Variants in SUPT7L observed in about 807,000 individuals in gnomAD.
The protein encoded by SUPT7L is SPT7 like, STAGA complex subunit gamma.
A neutral mutation model predicts 35.7 loss-of-function variants in SUPT7L; 15 were observed. The observed-to-expected ratio is 0.42, with a 90% CI of 0.28 to 0.65. The LOEUF (loss-of-function observed/expected upper bound fraction) is 0.65. Ranked by LOEUF, SUPT7L falls within the 30% of genes least tolerant of loss-of-function variation. SUPT7L has a pLI of 0.23. For synonymous variants in SUPT7L, 168 were observed against 186.2 expected (o/e 0.90, Z 0.79); for missense variants, 434 against 522.2 (o/e 0.83, Z 1.65).
chr2:27,645,701 T>A, the SUPT7L span, among the ~76,000 whole-genome samples: 4 of 151,422 alleles, frequency 2.6e-5, no homozygotes, highest in East Asian at 7.7e-4. Flanking sequence ...GCCTGTTTCT[T>A]TTTAATTTTT....
chr2:27,655,301 A>C, intron 5 of SUPT7L, 64 bp downstream of exon 5: 1 of 1,461,090 alleles, frequency 6.8e-7, no homozygotes, highest in Non-Finnish European at 9.2e-7. Flanking sequence ...TGATTCCAAA[A>C]AGCAAAAAGT....
chr2:27,661,007 A>G lies in SUPT7L; in HGVS notation c.396T>C (p.Ser132=). Residue 132 remains serine (S), a synonymous_variant, in exon 3 of 6, where the codon AGT becomes AGC. Transcript: ENST00000337768. ...NPNAPFQIRH[S]DPESDFYRGK... is the part of the protein sequence containing the mutation. ...ACCGATAAAAGTCACTCTCTGGGTC[A>G]CTGTGCCGGATCTGGAATGGTGCAT... is the stretch of plus-strand genomic sequence containing the variant. 2.5e-6 allele frequency: 4 copies of G among 1,614,080 alleles called. No homozygotes were observed. The highest frequency in any genetic ancestry group is 3.4e-6 in the Non-Finnish European group (4 of 1,179,942).
At chr2:27,648,075 C>G, downstream of SUPT7L, 2 of 631,886 alleles carry the variant, frequency 3.2e-6, no homozygotes, top group Non-Finnish European at 5.7e-6. Context: ...AAAAGAGTTT[C>G]CTATATTGAG....
chr2:27,644,435 T>C, the SUPT7L span, among the ~76,000 whole-genome samples: 2 of 152,206 alleles, frequency 1.3e-5, no homozygotes, highest in Non-Finnish European at 1.5e-5. Flanking sequence ...CAAAAGTTCT[T>C]ATTTTGTTTT....
In SUPT7L at chr2:27,652,382, T is replaced by C. The variant is rs1262554413; in HGVS notation, c.*1103A>G. 1 of 152,394 alleles carries C rather than the reference T, an allele frequency of 6.6e-6. No individual in the cohort carries two copies. Among genetic ancestry groups the C allele is most frequent in the East Asian group, 1.9e-4 (1 of 5,344 alleles). 9.4% of individuals were successfully genotyped at this position (152,394 alleles called of 1,614,324 possible). Reference sequence around the variant, plus strand: ...GGAGTGGTCTAAATTTTACAAGATATATTTTGCATCAGAAAATCAAACTTC... The same window carrying C: ...GGAGTGGTCTAAATTTTACAAGATACATTTTGCATCAGAAAATCAAACTTC... On this transcript the variant is annotated 3_prime_UTR_variant, in exon 6 of 6. Transcript: ENST00000337768.
downstream of SUPT7L, among the ~76,000 whole-genome samples, chr2:27,646,000 G>C (rs1674208839): frequency 6.6e-6 from 1 of 151,740 alleles, no homozygotes; most frequent in Admixed American, 6.6e-5. Flanking sequence ...AAAGTACTGG[G>C]ATTACAGGTG....
chr2:27,660,234 C>A (rs1675032895), intron 3 of SUPT7L, among the ~76,000 whole-genome samples: 1 of 144,656 alleles, frequency 6.9e-6, no homozygotes, highest in Non-Finnish European at 1.5e-5. Flanking sequence ...ATTATTATTT[C>A]TTTTTTTTTT....
the SUPT7L span, among the ~76,000 whole-genome samples, chr2:27,644,995 TCTCA>T: frequency 3.9e-5 from 6 of 152,186 alleles, no homozygotes; most frequent in Admixed American, 1.3e-4. Flanking sequence ...TGAGATAGTT[TCTCA>T]CTCTGTCACC....
chr2:27,650,797 A>G (rs1241109549), downstream of SUPT7L: 2 of 152,828 alleles, frequency 1.3e-5, no homozygotes, highest in Non-Finnish European at 2.9e-5. Flanking sequence ...TGATTAATGA[A>G]TCAGAATCCT....
Position 27,657,764 on chromosome 2 carries a change from T to C in SUPT7L, c.420-95A>G. 1 of 1,198,546 alleles carries C rather than the reference T, an allele frequency of 8.3e-7. No individual in the cohort carries two copies. The allele number at this position is 1,198,546 out of a possible 1,614,324, so 74.2% of individuals were successfully genotyped here. A position where few individuals can be genotyped will look rare whatever the true frequency, so the allele number is the denominator to read the frequency against. On this transcript the variant is annotated intron_variant, in intron 3 of 5. Coordinates refer to ENST00000337768, the MANE Select transcript of SUPT7L (RefSeq NM_014860.3). The surrounding 1 kb of genome is among the most constrained non-coding windows in gnomAD (Gnocchi z 5.2). ...AGTTTTACAATTCCAGTCAAGCCAC[T>C]GGCCTAGCTTTCCAGGGAAATTCCA...
At position 27,653,452 on chromosome 2, in the gene SUPT7L, T is replaced by C; in HGVS notation, c.*33A>G. The C allele has an allele frequency of 6.2e-7, 1 of 1,601,250 alleles. No individual in the cohort carries two copies. The highest frequency in any genetic ancestry group is 8.5e-7 in the Non-Finnish European group (1 of 1,173,640). On this transcript the variant is annotated 3_prime_UTR_variant, in exon 6 of 6. Transcript: ENST00000337768. ...CAAAAACCTTTTCTGTTGGGTCTAGTAGGTCTGGACAAAACATCTCCCTCT... is the reference window on the plus strand; with the variant it reads ...CAAAAACCTTTTCTGTTGGGTCTAGCAGGTCTGGACAAAACATCTCCCTCT...
At position 27,657,536 on chromosome 2, in the gene SUPT7L, C is replaced by T; in HGVS notation, c.553G>A (p.Val185Met). 1 of 1,614,268 alleles carries T rather than the reference C, an allele frequency of 6.2e-7. No homozygotes were observed. The highest frequency in any genetic ancestry group is 8.5e-7 in the Non-Finnish European group (1 of 1,180,052). ...AACTTAAGGCAATACTCATGTGCCA[C>T]ATCAGTTAGGGTCTCCAGGACACTC... ...NESVLETLTD[V>M]AHEYCLKFTK... is the part of the protein sequence containing the mutation. Residue 185 changes from valine to methionine, a missense_variant, in exon 4 of 6, where the codon GTG becomes ATG. By Grantham distance (21) the Val-to-Met change is conservative. Coordinates refer to ENST00000337768, the MANE Select transcript of SUPT7L (RefSeq NM_014860.3). The surrounding 1 kb of genome is among the most constrained non-coding windows in gnomAD (Gnocchi z 5.2).
chr2:27,661,211 G>C lies in SUPT7L; in HGVS notation c.192C>G (p.Ile64Met). Residue 64 changes from isoleucine (I) to methionine (M), a missense_variant, in exon 3 of 6, where the codon ATC becomes ATG. By Grantham distance (10) the Ile-to-Met change is conservative. This residue lies in a region of SUPT7L where 77 missense variants were observed against 114.4 expected (regional missense o/e 0.67). Coordinates refer to ENST00000337768, the MANE Select transcript of SUPT7L (RefSeq NM_014860.3). ...DIPSEPCSLT[I>M]HTIQLIQHNR... is the part of the protein sequence containing the mutation. ...TGTGCTGAATCAACTGAATCGTATG[G>C]ATGGTGAGACTACATGGCTCTGAGG... 1 of 1,614,080 alleles carries C rather than the reference G, an allele frequency of 6.2e-7. No individual in the cohort carries two copies. The highest frequency in any genetic ancestry group is 8.5e-7 in the Non-Finnish European group (1 of 1,179,956).
chr2:27,662,866 A>C (rs1475223801), intron 1 of SUPT7L, among the ~76,000 whole-genome samples: 2 of 151,298 alleles, frequency 1.3e-5, no homozygotes, highest in Admixed American at 6.6e-5. Context: ...TGCAGCCTCA[A>C]CCTCCTGGGA....
the SUPT7L span, among the ~76,000 whole-genome samples, chr2:27,642,958 T>TATATATACACACAC: frequency 1.6e-5 from 2 of 122,610 alleles, no homozygotes; most frequent in African/African-American, 3.0e-5. Context: ...TATATATATA[T>TATATATACACACAC]ACACACACAC....
rs550179906 is a variant in SUPT7L at position 27,660,479 on chromosome 2, T to C, written c.419+505A>G. The stretch of plus-strand genomic sequence containing the variant: ...CCTCAAGTGATCCACCCACCGTGGC[T>C]TCCCAAAGTCTTGGGGTTACAGGCA... On this transcript the variant is annotated intron_variant, in intron 3 of 5. Transcript: ENST00000337768. Among the ~76,000 whole-genome samples the C allele has an allele frequency of 3.8e-3, 577 of 152,254 alleles. 1 individual carries two copies. Among genetic ancestry groups the C allele is most frequent in the African/African-American group, 0.013 (557 of 41,544 alleles).
Position 27,663,442 on chromosome 2 carries a change from C to T in SUPT7L, c.-203G>A. 1 of 335,142 alleles carries T rather than the reference C, an allele frequency of 3.0e-6. No individual in the cohort carries two copies. The highest frequency in any genetic ancestry group is 3.0e-5 in the South Asian group (1 of 33,770). 20.8% of individuals were successfully genotyped at this position (335,142 alleles called of 1,614,324 possible). A position where few individuals can be genotyped will look rare whatever the true frequency, so the allele number is the denominator to read the frequency against. The stretch of plus-strand genomic sequence containing the variant: ...GCCAATCACAGGGTCCTGAGGTCGC[C>T]TGACGTTCAGGGCAGCCGGAAGACG... On this transcript the variant is annotated 5_prime_UTR_variant, in exon 1 of 6. Transcript: ENST00000337768.
chr2:27,659,850 A>G (rs183914547), intron 3 of SUPT7L, among the ~76,000 whole-genome samples: 237 of 152,302 alleles, frequency 1.6e-3, no homozygotes, highest in South Asian at 6.0e-3. Flanking sequence ...TGAGAAAGTA[A>G]ATGTGGCAAA....
At chr2:27,655,676 T>C (rs1028585780) in intron 4 of SUPT7L, 74 bp from the exon 5 acceptor site, 1 of 1,290,204 alleles carries the variant, frequency 7.8e-7, no homozygotes, top group South Asian at 1.5e-5. Context: ...TGACGTCCCA[T>C]GGAAAAGCCA....
Sources: gnomAD v4.1 joint callset for allele counts (sites outside exome capture counted in the v4.1 genomes callset) on GRCh38, gnomAD v4.1.1 for gene constraint, gnomAD v4.1.1 regional missense constraint, Gnocchi (gnomAD v3.1) non-coding constraint, MANE v1.5 for transcripts, NCBI Gene and HGNC (gene_info 2026-07-23, HGNC 2026-07-21) for gene names.